Variants in PRKCE observed in about 807,000 individuals in gnomAD.
PRKCE encodes the protein protein kinase C epsilon.
A neutral mutation model predicts 85.4 loss-of-function variants in PRKCE; 16 were observed. The ratio of observed to expected loss-of-function variants is 0.19; its 90% confidence interval spans 0.13 to 0.28. The LOEUF is 0.28. Among genes scored for constraint, PRKCE ranks in the 10% least tolerant of loss-of-function variants. The pLI, the probability that PRKCE is intolerant of heterozygous loss-of-function variation, is 1.00. For missense variants in PRKCE, 573 were observed against 975.2 expected, an observed-to-expected ratio of 0.59 and a Z score of 5.49; for synonymous variants, 388 against 371.5, an observed-to-expected ratio of 1.04 and a Z score of -0.51.
intron 1 of PRKCE, among the ~76,000 whole-genome samples, chr2:45,771,084 G>T (rs1573287299): frequency 6.6e-6 from 1 of 152,234 alleles, no homozygotes; most frequent in South Asian, 2.1e-4. Context: ...GATGATGAGG[G>T]TCCCCCAGTG....
At position 45,915,382 on chromosome 2, in the gene PRKCE, C is replaced by T. The variant is rs1016060092; in HGVS notation, c.413-61047C>T. Among the ~76,000 whole-genome samples, 20 of 152,248 alleles carry T rather than the reference C, an allele frequency of 1.3e-4. No homozygotes were observed. The East Asian group carries it at 2.5e-3, about 19-fold the overall frequency. On this transcript the variant is annotated intron_variant, in intron 2 of 14. Coordinates refer to ENST00000306156, the MANE Select transcript of PRKCE (RefSeq NM_005400.3). ...TAGCTTCTAAGCACATCTTTAAGAT[C>T]GATGGCATGAACTTCCAAGAACAAA...
In PRKCE at chr2:45,755,463, T is replaced by A. The variant is rs372773140; in HGVS notation, c.349-87537T>A. On this transcript the variant is annotated intron_variant, in intron 1 of 14. Transcript: ENST00000306156. ...ACGGTCCTTCATTCTACAGTGACCT[T>A]CATTCTACGGTGACTGCTAATGGCT... Among the ~76,000 whole-genome samples, 4 of 152,342 alleles carry A rather than the reference T, an allele frequency of 2.6e-5. No homozygotes were observed. In the East Asian group the frequency reaches 7.7e-4, roughly 29 times the overall value.
intron 1 of PRKCE, among the ~76,000 whole-genome samples, chr2:45,762,956 CTT>C (rs11322742): frequency 7.3e-4 from 99 of 135,332 alleles, no homozygotes; most frequent in Non-Finnish European, 9.3e-4. Context: ...TTCTTTTCTT[CTT>C]TTTTTTTTTT....
chr2:46,002,297 A>G (rs1248018961), intron 7 of PRKCE, among the ~76,000 whole-genome samples: 3 of 152,254 alleles, frequency 2.0e-5, no homozygotes, highest in African/African-American at 7.2e-5. Flanking sequence ...AACAGGGCAG[A>G]AAATCCGGGT....
chr2:46,175,588 C>T (rs779655176), intron 14 of PRKCE, among the ~76,000 whole-genome samples: 1 of 152,190 alleles, frequency 6.6e-6, no homozygotes, highest in African/African-American at 2.4e-5. Context: ...GGCCCAAGGC[C>T]ACAAAGTTAG....
At chr2:45,977,669 G>A (rs989426438) in intron 3 of PRKCE, among the ~76,000 whole-genome samples, 5 of 151,852 alleles carry the variant, frequency 3.3e-5, no homozygotes, top group African/African-American at 1.2e-4. Flanking sequence ...AAGGAGGAGA[G>A]GGGCTGAGAT....
chr2:46,135,745 G>GATTTTTTTTTT (rs1558491144), intron 11 of PRKCE, among the ~76,000 whole-genome samples: 1 of 14,904 alleles, frequency 6.7e-5, no homozygotes, highest in East Asian at 9.1e-3. Flanking sequence ...AACAAATTAT[G>GATTTTTTTTTT]CTTTTTTTTT....
intron 2 of PRKCE, among the ~76,000 whole-genome samples, chr2:45,931,429 A>G (rs943770548): frequency 6.6e-6 from 1 of 152,218 alleles, no homozygotes; most frequent in African/African-American, 2.4e-5. Context: ...CATAGGTGGT[A>G]AATGCTCTAA....
At chr2:46,099,436 A>C (rs543092372) in intron 11 of PRKCE, among the ~76,000 whole-genome samples, 160 of 151,686 alleles carry the variant, frequency 1.1e-3, no homozygotes, top group Non-Finnish European at 2.0e-3. Flanking sequence ...ACAATACAAC[A>C]TGTTTCCACC....
intron 2 of PRKCE, among the ~76,000 whole-genome samples, chr2:45,914,395 G>A (rs1697605248): frequency 6.6e-6 from 1 of 152,232 alleles, no homozygotes; most frequent in Admixed American, 6.5e-5. Context: ...GTGTGGTCCA[G>A]AGGGCTGGTG....
intron 11 of PRKCE, among the ~76,000 whole-genome samples, chr2:46,140,548 A>G (rs934607332): frequency 6.6e-6 from 1 of 152,218 alleles, no homozygotes; most frequent in Non-Finnish European, 1.5e-5. Context: ...AGAGACTTAC[A>G]TTTACCAAAT....
At chr2:45,772,204 C>G (rs1372197551) in intron 1 of PRKCE, among the ~76,000 whole-genome samples, 4 of 151,430 alleles carry the variant, frequency 2.6e-5, no homozygotes, top group African/African-American at 9.7e-5. Flanking sequence ...AGCAGGGAGA[C>G]TAAGGTAGAA....
At chr2:46,010,285 C>A (rs1261244380) in intron 9 of PRKCE, 59 bp from the exon 10 acceptor site, 3 of 1,485,340 alleles carry the variant, frequency 2.0e-6, no homozygotes, top group Non-Finnish European at 2.7e-6. Flanking sequence ...TATTAGCTTA[C>A]ACTTCTTCTT....
chr2:45,854,743 T>C (rs1692544355), intron 2 of PRKCE, among the ~76,000 whole-genome samples: 1 of 152,176 alleles, frequency 6.6e-6, no homozygotes, highest in Admixed American at 6.5e-5. Context: ...CCAGACCCAA[T>C]TATTCTTGGC....
At chr2:45,804,532 G>C (rs1380087051) in intron 1 of PRKCE, among the ~76,000 whole-genome samples, 1 of 152,200 alleles carries the variant, frequency 6.6e-6, no homozygotes, top group Non-Finnish European at 1.5e-5. Context: ...AGGTGCTGAA[G>C]TATGTGGGTA....
chr2:45,747,080 C>G (rs1206519436), intron 1 of PRKCE, among the ~76,000 whole-genome samples: 1 of 152,212 alleles, frequency 6.6e-6, no homozygotes, highest in Non-Finnish European at 1.5e-5. Context: ...GTGCGCTCAT[C>G]TCATTTTCTC....
intron 1 of PRKCE, among the ~76,000 whole-genome samples, chr2:45,712,496 C>A (rs1429064163): frequency 6.6e-6 from 1 of 152,040 alleles, no homozygotes; most frequent in East Asian, 1.9e-4. Flanking sequence ...CATGCTATTC[C>A]CCCTGCTTAA....
intron 1 of PRKCE, among the ~76,000 whole-genome samples, chr2:45,678,491 C>T (rs1016050289): frequency 3.3e-5 from 5 of 152,068 alleles, no homozygotes; most frequent in Admixed American, 6.5e-5. Flanking sequence ...CAGTCATTTC[C>T]GAACTTTTTT....
intron 2 of PRKCE, among the ~76,000 whole-genome samples, chr2:45,972,747 C>T (rs6751933): frequency 0.18 from 28,136 of 152,150 alleles, 3,106 homozygotes; most frequent in African/African-American, 0.32. Context: ...ATTCTTGGCA[C>T]TCTTGTTGAA....
Sources: gnomAD v4.1 joint callset for allele counts (sites outside exome capture counted in the v4.1 genomes callset) on GRCh38, gnomAD v4.1.1 for gene constraint, MANE v1.5 for transcripts, NCBI Gene and HGNC (gene_info 2026-07-23, HGNC 2026-07-21) for gene names.